Variants in PDE4B observed in about 807,000 individuals in gnomAD.
The protein encoded by PDE4B is phosphodiesterase 4B, also known as 3',5'-cyclic-AMP phosphodiesterase 4B.
Under a neutral mutation model 82.2 loss-of-function variants are expected in PDE4B, and 20 were observed. That is an observed-to-expected ratio of 0.24 (90% CI 0.17 to 0.35). The LOEUF (loss-of-function observed/expected upper bound fraction) is 0.35. Ranked by LOEUF, PDE4B falls within the 10% of genes least tolerant of loss-of-function variation. PDE4B has a pLI of 1.00. For synonymous variants in PDE4B, 320 were observed against 318.9 expected (o/e 1.00, Z -0.04); for missense variants, 655 against 907.2 (o/e 0.72, Z 3.57).
intron 1 of PDE4B, among the ~76,000 whole-genome samples, chr1:65,893,403 A>G (rs916127319): frequency 1.8e-4 from 27 of 152,118 alleles, no homozygotes; most frequent in African/African-American, 6.3e-4. Context: ...CATCAGCGAA[A>G]TGCAAATTAA....
intron 7 of PDE4B, among the ~76,000 whole-genome samples, chr1:66,312,301 AGT>A (rs1427637103): frequency 1.3e-5 from 2 of 152,198 alleles, no homozygotes; most frequent in African/African-American, 2.4e-5. Context: ...ACACAAACTT[AGT>A]GGCTTAAAAC....
chr1:66,001,091 A>G (rs1205892707), intron 3 of PDE4B, among the ~76,000 whole-genome samples: 1 of 152,218 alleles, frequency 6.6e-6, no homozygotes, highest in Non-Finnish European at 1.5e-5. Flanking sequence ...TGCTTGATAA[A>G]GTCACAGACA....
chr1:65,919,207 C>A (rs562398816), intron 3 of PDE4B, among the ~76,000 whole-genome samples: 1 of 152,280 alleles, frequency 6.6e-6, no homozygotes, highest in East Asian at 1.9e-4. Flanking sequence ...ATATGATGTT[C>A]TTATTGCTGA....
chr1:66,154,265 T>C (rs1338241164), intron 3 of PDE4B, among the ~76,000 whole-genome samples: 2 of 152,194 alleles, frequency 1.3e-5, no homozygotes, highest in Non-Finnish European at 2.9e-5. Context: ...CTGTTTTTCA[T>C]CTCTGTAATC....
chr1:66,021,629 A>ATATGT (rs1653120380), intron 3 of PDE4B, among the ~76,000 whole-genome samples: 2 of 150,540 alleles, frequency 1.3e-5, no homozygotes, highest in Admixed American at 1.3e-4. Flanking sequence ...ATGGTTGTAG[A>ATATGT]GGTATTATTT....
intron 7 of PDE4B, among the ~76,000 whole-genome samples, chr1:66,281,602 CTG>C (rs1468418131): frequency 6.6e-6 from 1 of 152,152 alleles, no homozygotes; most frequent in Non-Finnish European, 1.5e-5. Flanking sequence ...TATGATGGAA[CTG>C]TGTTTTGGTA....
chr1:66,307,445 T>C (rs559919691), intron 7 of PDE4B, among the ~76,000 whole-genome samples: 1 of 152,044 alleles, frequency 6.6e-6, no homozygotes, highest in Non-Finnish European at 1.5e-5. Context: ...AAAGCGGAGA[T>C]AGAGAAGCCT....
chr1:66,143,785 A>G (rs999638061), intron 3 of PDE4B, among the ~76,000 whole-genome samples: 1 of 152,210 alleles, frequency 6.6e-6, no homozygotes, highest in Admixed American at 6.5e-5. Flanking sequence ...CACAGCTGAC[A>G]TCTGCCTTTT....
intron 7 of PDE4B, among the ~76,000 whole-genome samples, chr1:66,327,012 G>A (rs1659793781): frequency 6.6e-6 from 1 of 152,174 alleles, no homozygotes; most frequent in Admixed American, 6.5e-5. Flanking sequence ...GGGCACCTGA[G>A]GTCTTTCACC....
At chr1:65,826,417 A>G (rs1351296841) in intron 1 of PDE4B, among the ~76,000 whole-genome samples, 1 of 152,168 alleles carries the variant, frequency 6.6e-6, no homozygotes, top group Non-Finnish European at 1.5e-5. Context: ...TGGGACCATA[A>G]TATTTAATAA....
rs551975275 is a variant in PDE4B at position 66,022,296 on chromosome 1, G to T, written c.281+103461G>T. ...TCCTCTTTTCCTAATTGAATACCCT[G>T]TATTTCTTTCTCTTGCCTGATTGCC... On this transcript the variant is annotated intron_variant, in intron 3 of 16. Transcript: ENST00000341517. Among the ~76,000 whole-genome samples, 4 of 152,072 alleles carry T rather than the reference G, an allele frequency of 2.6e-5. No homozygotes were observed. In the South Asian group the frequency reaches 8.3e-4, roughly 31 times the overall value.
intron 3 of PDE4B, among the ~76,000 whole-genome samples, chr1:65,992,089 C>T (rs557096898): frequency 6.6e-5 from 10 of 152,140 alleles, no homozygotes; most frequent in South Asian, 2.1e-4. Context: ...TTTTCCTGTT[C>T]GCTGACATTT....
intron 3 of PDE4B, among the ~76,000 whole-genome samples, chr1:65,925,414 G>A (rs1647445913): frequency 6.6e-6 from 1 of 151,666 alleles, no homozygotes; most frequent in Non-Finnish European, 1.5e-5. Context: ...ATCATAAGAG[G>A]GCATGTTGAT....
intron 3 of PDE4B, among the ~76,000 whole-genome samples, chr1:66,235,770 G>GAA (rs75316120): frequency 2.0e-5 from 3 of 151,866 alleles, no homozygotes; most frequent in South Asian, 2.1e-4. Context: ...CCATTCTGTT[G>GAA]AAAAAAAATG....
At chr1:66,142,432 T>C (rs1302998850) in intron 3 of PDE4B, among the ~76,000 whole-genome samples, 1 of 152,202 alleles carries the variant, frequency 6.6e-6, no homozygotes, top group East Asian at 1.9e-4. Context: ...ATGCAAATAT[T>C]TTCTAATAAA....
intron 16 of PDE4B, 41 bp from the exon 17 acceptor site, chr1:66,372,272 C>T: frequency 2.6e-6 from 4 of 1,545,262 alleles, no homozygotes; most frequent in Non-Finnish European, 3.5e-6. Flanking sequence ...ACTTTTCAAG[C>T]ACCATCACAA....
chr1:65,808,041 C>G, intron 1 of PDE4B, among the ~76,000 whole-genome samples: 1 of 152,078 alleles, frequency 6.6e-6, no homozygotes, highest in East Asian at 1.9e-4. Context: ...GACCTCTAGA[C>G]TGTATAATCC....
chr1:66,026,827 T>C (rs961215098), intron 3 of PDE4B, among the ~76,000 whole-genome samples: 6 of 152,214 alleles, frequency 3.9e-5, no homozygotes, highest in African/African-American at 1.2e-4. Context: ...ATGCGTGTTC[T>C]TCACCTCAAC....
intron 1 of PDE4B, among the ~76,000 whole-genome samples, chr1:65,871,757 C>T (rs1646575999): frequency 6.6e-6 from 1 of 152,096 alleles, no homozygotes; most frequent in Non-Finnish European, 1.5e-5. Context: ...GCCTGGCTGA[C>T]TTGTGTGACA....
Sources: gnomAD v4.1 joint callset for allele counts (sites outside exome capture counted in the v4.1 genomes callset) on GRCh38, gnomAD v4.1.1 for gene constraint, MANE v1.5 for transcripts, NCBI Gene and HGNC (gene_info 2026-07-23, HGNC 2026-07-21) for gene names.